The following ABCA10 variants were observed in gnomAD, a reference collection of about 807,000 sequenced individuals.
ABCA10 encodes the protein ATP-binding cassette sub-family A member 10.
In ABCA10, 169 loss-of-function variants were observed where a neutral mutation model predicts 187.5. The ratio of observed to expected loss-of-function variants is 0.90; its 90% CI spans 0.80 to 1.02. ABCA10 has a LOEUF of 1.02. Ranked by LOEUF, ABCA10 falls within the 50% of genes least tolerant of loss-of-function variation. ABCA10 has a pLI of 0.00. For missense variants in ABCA10, 1,727 were observed against 1,812.4 expected (o/e 0.95, Z 0.86); for synonymous variants, 574 against 601.8 (o/e 0.95, Z 0.68).
At chr17:69,177,955 CAA>C (rs11320201) in intron 22 of ABCA10, among the ~76,000 whole-genome samples, 3,900 of 64,838 alleles carry the variant, frequency 0.06, 253 homozygotes, top group Admixed American at 0.16. Context: ...GACTCCATTT[CAA>C]AAAAAAAAAA....
At chr17:69,174,457 G>T in intron 24 of ABCA10, 63 bp from the exon 25 acceptor site, 1 of 1,346,264 alleles carries the variant, frequency 7.4e-7, no homozygotes, top group Non-Finnish European at 1.0e-6. Context: ...AAAGAGGAGG[G>T]GAGATAATCA....
intron 1 of ABCA10, among the ~76,000 whole-genome samples, chr17:69,240,374 T>C (rs1320389455): frequency 6.6e-6 from 1 of 152,180 alleles, no homozygotes; most frequent in Non-Finnish European, 1.5e-5. Flanking sequence ...AGTTGAAAAG[T>C]GTGACCCGTT....
chr17:69,149,549 C>T (rs576800495), intron 37 of ABCA10, among the ~76,000 whole-genome samples: 9 of 152,144 alleles, frequency 5.9e-5, no homozygotes, highest in South Asian at 2.1e-4. Flanking sequence ...TGTTTTCTTT[C>T]GCTGACCTTC....
At chr17:69,199,722 T>G (rs1394762359) in intron 10 of ABCA10, among the ~76,000 whole-genome samples, 1 of 152,240 alleles carries the variant, frequency 6.6e-6, no homozygotes, top group Admixed American at 6.5e-5. Context: ...TGGATTAATA[T>G]GGATCAAACT....
chr17:69,156,626 C>A (rs1300866546), intron 28 of ABCA10, among the ~76,000 whole-genome samples: 1 of 152,012 alleles, frequency 6.6e-6, no homozygotes, highest in Non-Finnish European at 1.5e-5. Flanking sequence ...AAGATCCTGT[C>A]TCTATTTTCA....
In ABCA10 at chr17:69,162,842, T is replaced by TACATATACATATACATATAC. The variant is rs377270606; in HGVS notation, c.3363+1231_3363+1232insGTATATGTATATGTATATGT. Among the ~76,000 whole-genome samples the TACATATACATATACATATAC allele has an allele frequency of 3.6e-3, 530 of 147,298 alleles. 7 individuals are homozygous for TACATATACATATACATATAC. Among genetic ancestry groups the TACATATACATATACATATAC allele is most frequent in the African/African-American group, 0.011 (434 of 40,254 alleles). On this transcript the variant is annotated intron_variant, in intron 27 of 38. Transcript: ENST00000690296. Reference sequence around the variant, plus strand: ...ATACATATACATATACATATACATATATATATATATATATGAGACGGAGTC... The same window carrying TACATATACATATACATATAC: ...ATACATATACATATACATATACATATACATATACATATACATATACATATATATATATATGAGACGGAGTC...
chr17:69,242,526 G>A (rs1241468874), intron 1 of ABCA10, among the ~76,000 whole-genome samples: 2 of 152,058 alleles, frequency 1.3e-5, no homozygotes, highest in East Asian at 1.9e-4. Flanking sequence ...GTGCAGTGGC[G>A]CGATCTTGGC....
chr17:69,153,286 TAA>T lies in ABCA10; in HGVS notation c.4136+17_4136+18del. ...GAGGTATTCTCTTGACTCTGACACTTAATATTCACTCTCCTTACCACATTTGC... is the reference window on the plus strand; with the variant it reads ...GAGGTATTCTCTTGACTCTGACACTTTATTCACTCTCCTTACCACATTTGC... On this transcript the variant is annotated intron_variant, in intron 34 of 38. Coordinates refer to ENST00000690296, the MANE Select transcript of ABCA10 (RefSeq NM_001377321.1). The T allele has an allele frequency of 6.3e-7, 1 of 1,586,730 alleles. No homozygotes were observed. The highest frequency in any genetic ancestry group is 8.5e-7 in the Non-Finnish European group (1 of 1,171,314).
intron 27 of ABCA10, among the ~76,000 whole-genome samples, chr17:69,160,956 C>T (rs547868500): frequency 6.6e-6 from 1 of 152,304 alleles, no homozygotes; most frequent in East Asian, 1.9e-4. Context: ...GAGATTAACA[C>T]ACCCAAGTTC....
chr17:69,225,197 A>T, intron 3 of ABCA10, 128 bp downstream of exon 3: 1 of 1,014,814 alleles, frequency 9.9e-7, no homozygotes, highest in Non-Finnish European at 1.5e-6. Flanking sequence ...TGTACTGCAT[A>T]TATAATGAGA....
At chr17:69,172,640 TTA>T (rs1433768093) in intron 25 of ABCA10, among the ~76,000 whole-genome samples, 1 of 151,780 alleles carries the variant, frequency 6.6e-6, no homozygotes, top group Non-Finnish European at 1.5e-5. Context: ...AAAATATAGA[TTA>T]TGACTTTCAA....
intron 17 of ABCA10, 100 bp downstream of exon 17, chr17:69,191,076 T>A (rs1458222013): frequency 3.6e-6 from 4 of 1,106,000 alleles, no homozygotes; most frequent in Non-Finnish European, 4.7e-6. Context: ...ATATTTTCAT[T>A]TGTATAAGCT....
intron 27 of ABCA10, among the ~76,000 whole-genome samples, chr17:69,162,628 C>T (rs569382072): frequency 8.6e-5 from 13 of 151,864 alleles, no homozygotes; most frequent in Non-Finnish European, 1.9e-4. Context: ...CTTTTTGTTT[C>T]CTAATCTTAA....
rs1331189991 is a variant in ABCA10 at position 69,243,882 on chromosome 17, A to C, written c.-593+647T>G. Among the ~76,000 whole-genome samples the C allele has an allele frequency of 2.0e-5, 3 of 152,186 alleles. No homozygotes were observed. The East Asian group carries it at 5.8e-4, about 29-fold the overall frequency. ...CACTGTACTCCAGCCTAGGCAGCAAAGTGAGACCCTATCTCAAAAACGAAA... is the reference window on the plus strand; with the variant it reads ...CACTGTACTCCAGCCTAGGCAGCAACGTGAGACCCTATCTCAAAAACGAAA... On this transcript the variant is annotated intron_variant, in intron 1 of 39. Coordinates refer to the ABCA10 transcript ENST00000269081.
intron 36 of ABCA10, 121 bp from the exon 37 acceptor site, chr17:69,150,184 T>A: frequency 3.0e-6 from 2 of 665,688 alleles, no homozygotes; most frequent in Non-Finnish European, 5.0e-6. Context: ...TGATTTGATA[T>A]AGCATGAATC....
intron 24 of ABCA10, 105 bp downstream of exon 24, chr17:69,174,502 T>A (rs1376734496): frequency 6.9e-7 from 1 of 1,447,416 alleles, no homozygotes. Flanking sequence ...TTTCTTATTT[T>A]CTTGCATATT....
rs2074451735 is a variant in ABCA10, at chr17:69,190,475, G to T, written c.2014C>A (p.Leu672Ile). ...PLEKTNKFPD[L>I]YSDLDKCSDQ... ...GAACACTTATCAAGGTCACTGTAAA[G>T]ATCTAAAAAGCCAATAGTAATAAGT... Residue 672 changes from leucine (L) to isoleucine (I), a missense_variant and splice_region_variant, in exon 18 of 39, where the codon CTT becomes ATT. By Grantham distance (5) the Leu-to-Ile change is conservative (BLOSUM62 2). Coordinates refer to ENST00000690296, the MANE Select transcript of ABCA10 (RefSeq NM_001377321.1). The T allele has an allele frequency of 6.4e-7, 1 of 1,563,608 alleles. No homozygotes were observed. The highest frequency in any genetic ancestry group is 2.2e-5 in the Admixed American group (1 of 46,498).
chr17:69,153,191 G>A (rs1042427942), intron 34 of ABCA10, 114 bp downstream of exon 34: 2 of 1,245,760 alleles, frequency 1.6e-6, no homozygotes, highest in Non-Finnish European at 2.2e-6. Flanking sequence ...AATAGAAGAT[G>A]TGCACATCAA....
chr17:69,212,905 C>T (rs1026127264), intron 9 of ABCA10, among the ~76,000 whole-genome samples: 3 of 152,150 alleles, frequency 2.0e-5, no homozygotes, highest in South Asian at 2.1e-4. Flanking sequence ...ATTCATTCTG[C>T]TATTCTGTAT....
Sources: gnomAD v4.1 joint callset for allele counts (sites outside exome capture counted in the v4.1 genomes callset) on GRCh38, gnomAD v4.1.1 for gene constraint, MANE v1.5 for transcripts, NCBI Gene and HGNC (gene_info 2026-07-23, HGNC 2026-07-21) for gene names.